Variants in PHF8 observed in about 807,000 individuals in gnomAD.
PHF8 encodes the protein histone lysine demethylase PHF8.
PHF8 carries 9 observed loss-of-function variants against 74.4 expected under a neutral mutation model. The observed-to-expected ratio is 0.12, with a 90% CI of 0.07 to 0.21. The LOEUF (loss-of-function observed/expected upper bound fraction) is 0.21. Ranked by LOEUF, PHF8 falls within the 10% of genes least tolerant of loss-of-function variation. The pLI is 1.00. For missense variants in PHF8, 478 were observed against 816.6 expected, an observed-to-expected ratio of 0.59 and a Z score of 5.05; for synonymous variants, 311 against 316.6, an observed-to-expected ratio of 0.98 and a Z score of 0.19.
chrX:54,043,468 G>A (rs1371337394), intron 1 of PHF8, among the ~76,000 whole-genome samples: 2 of 110,747 alleles, frequency 1.8e-5, no homozygotes, highest in Non-Finnish European at 3.8e-5. Context: ...CCCCAAAACT[G>A]AAATAAATAT....
intron 19 of PHF8, among the ~76,000 whole-genome samples, chrX:53,959,476 T>C (rs2065067031): frequency 9.0e-6 from 1 of 110,750 alleles, no homozygotes; most frequent in Non-Finnish European, 1.9e-5. Flanking sequence ...CCCTTCAAAA[T>C]TCAGCTTTAG....
Position 54,044,258 on chromosome X carries a change from G to T in PHF8, c.-589C>A. 2 of 754,959 alleles carry T rather than the reference G, an allele frequency of 2.6e-6. No individual in the cohort carries two copies. The highest frequency in any genetic ancestry group is 3.1e-6 in the Non-Finnish European group (2 of 639,207). 62.2% of individuals were successfully genotyped at this position (754,959 alleles called of 1,213,427 possible). On this transcript the variant is annotated 5_prime_UTR_variant, in exon 1 of 22. Coordinates refer to ENST00000338154, the MANE Select transcript of PHF8 (RefSeq NM_015107.3). ...CAACGGGGAAAGAGATGAACCGGCC[G>T]CCACGTCCGAGGCACACGGCCCGAA... is the stretch of plus-strand genomic sequence containing the variant.
intron 18 of PHF8, among the ~76,000 whole-genome samples, chrX:53,977,617 A>G (rs1176707554): frequency 2.7e-5 from 3 of 110,675 alleles, no homozygotes; most frequent in African/African-American, 9.8e-5. Flanking sequence ...GTGGAAATGT[A>G]AAACAACCAT....
At chrX:53,989,967 A>G (rs1267013075) in intron 14 of PHF8, among the ~76,000 whole-genome samples, 1 of 111,786 alleles carries the variant, frequency 8.9e-6, no homozygotes, top group Non-Finnish European at 1.9e-5. Flanking sequence ...CAGCTAAGAT[A>G]GACTTTGACA....
chrX:53,989,655 G>GA (rs1164594579), intron 14 of PHF8, among the ~76,000 whole-genome samples: 1 of 112,040 alleles, frequency 8.9e-6, no homozygotes, highest in Non-Finnish European at 1.9e-5. Context: ...ACAAACTGCT[G>GA]AAAAAAACCT....
intron 18 of PHF8, among the ~76,000 whole-genome samples, chrX:53,983,694 T>C (rs2065513976): frequency 8.9e-6 from 1 of 112,294 alleles, no homozygotes; most frequent in South Asian, 3.7e-4. Flanking sequence ...AGAATTTTCA[T>C]TGCAGCATTG....
At chrX:54,036,571 CAAAAAAAAAAA>C (rs1160936317) in intron 2 of PHF8, among the ~76,000 whole-genome samples, 2 of 6,200 alleles carry the variant, frequency 3.2e-4, no homozygotes, top group African/African-American at 4.2e-4. Flanking sequence ...GACACTGTCT[CAAAAAAAAAAA>C]AAAAAAAAAA....
At position 54,043,983 on chromosome X, in the gene PHF8, G is replaced by T; in HGVS notation, c.-314C>A. The T allele has an allele frequency of 2.6e-6, 2 of 754,755 alleles. No homozygotes were observed. Among genetic ancestry groups the T allele is most frequent in the Admixed American group, 8.5e-5 (1 of 11,770 alleles). 62.2% of individuals were successfully genotyped at this position (754,755 alleles called of 1,213,427 possible). Reference sequence around the variant, plus strand: ...GTCCGGTAGTTCCGGCCCCTACGGCGACGCGCGTCGAATTCTGGGATAGTC... The same window carrying T: ...GTCCGGTAGTTCCGGCCCCTACGGCTACGCGCGTCGAATTCTGGGATAGTC... On this transcript the variant is annotated 5_prime_UTR_variant, in exon 1 of 22. Coordinates refer to ENST00000338154, the MANE Select transcript of PHF8 (RefSeq NM_015107.3).
chrX:54,005,028 G>A (rs2065877093), intron 8 of PHF8, among the ~76,000 whole-genome samples: 2 of 110,725 alleles, frequency 1.8e-5, no homozygotes, highest in South Asian at 7.4e-4. Context: ...CAGAGAAACC[G>A]AAATTACCCA....
chrX:53,995,811 C>A lies in PHF8; in HGVS notation c.1234-29G>T, dbSNP rs202158152. The A allele has an allele frequency of 1.1e-4, 100 of 951,603 alleles. No individual in the cohort carries two copies. In the East Asian group the frequency reaches 1.2e-3, roughly 12 times the overall value. The allele number at this position is 951,603 out of a possible 1,213,427, so 78.4% of individuals were successfully genotyped here. A position where few individuals can be genotyped will look rare whatever the true frequency, so the allele number is the denominator to read the frequency against. Reference sequence around the variant, plus strand: ...TCAAACAAGAGGCATGAGGAATAAACCCACACATAAAGAGACAACTGATTT... The same window carrying A: ...TCAAACAAGAGGCATGAGGAATAAAACCACACATAAAGAGACAACTGATTT... On this transcript the variant is annotated intron_variant, in intron 11 of 21. Coordinates refer to ENST00000338154, the MANE Select transcript of PHF8 (RefSeq NM_015107.3).
chrX:53,965,871 G>A (rs1372285759), intron 18 of PHF8, among the ~76,000 whole-genome samples: 1 of 109,681 alleles, frequency 9.1e-6, no homozygotes, highest in Non-Finnish European at 1.9e-5. Context: ...AAACCATGAG[G>A]CATGCAACGA....
chrX:53,956,628 G>C (rs782649647), intron 19 of PHF8, among the ~76,000 whole-genome samples: 1 of 110,712 alleles, frequency 9.0e-6, no homozygotes, highest in East Asian at 2.8e-4. Context: ...AAATTTTCCT[G>C]TAGAATGAGG....
intron 18 of PHF8, among the ~76,000 whole-genome samples, chrX:53,968,422 A>C (rs1243222386): frequency 1.8e-5 from 2 of 112,110 alleles, no homozygotes; most frequent in East Asian, 5.6e-4. Flanking sequence ...ATGAGACTGA[A>C]GCAGTAATAA....
chrX:54,029,076 T>C (rs782029958), intron 2 of PHF8, among the ~76,000 whole-genome samples: 1 of 112,301 alleles, frequency 8.9e-6, no homozygotes, highest in East Asian at 2.8e-4. Flanking sequence ...TTTGTTGTTA[T>C]TATCCAAGTT....
chrX:53,993,085 C>A, intron 13 of PHF8: 1 of 393,407 alleles, frequency 2.5e-6, no homozygotes, highest in South Asian at 3.5e-5. Flanking sequence ...GGCACATCTT[C>A]AGATGCCCAT....
chrX:53,999,855 A>T lies in PHF8; in HGVS notation c.1233+15T>A. 1.9e-6 allele frequency: 2 copies of T among 1,075,551 alleles called. No individual in the cohort carries two copies. Among genetic ancestry groups the T allele is most frequent in the Non-Finnish European group, 2.6e-6 (2 of 772,512 alleles). 88.6% of individuals were successfully genotyped at this position (1,075,551 alleles called of 1,213,427 possible). A position where few individuals can be genotyped will look rare whatever the true frequency, so the allele number is the denominator to read the frequency against. On this transcript the variant is annotated intron_variant, in intron 11 of 21. Coordinates refer to ENST00000338154, the MANE Select transcript of PHF8 (RefSeq NM_015107.3). ...GGCAAAACTCCAGAGGAGGTAGAGA[A>T]ATATGCATATTTACTTCTTTCCTTG...
rs1381659844 is a variant in PHF8 at position 53,992,812 on chromosome X, C to T, written c.1654G>A (p.Asp552Asn). 3.3e-6 allele frequency: 4 copies of T among 1,201,938 alleles called. No individual in the cohort carries two copies. The highest frequency in any genetic ancestry group is 4.5e-6 in the Non-Finnish European group (4 of 887,374). Residue 552 changes from aspartate to asparagine, a missense_variant, in exon 14 of 22, where the codon GAC (aspartate) becomes AAC (asparagine). Transcript: ENST00000338154. ...KFNITGACLN[D>N]SDDDSPDLDL... ...AAGTCTGGTGAGTCGTCATCTGAGT[C>T]ATTCAAGCAGGCACCAGTGATGTTG...
At chrX:53,946,098 C>T (rs1305163980) in intron 19 of PHF8, among the ~76,000 whole-genome samples, 1 of 112,364 alleles carries the variant, frequency 8.9e-6, no homozygotes, top group Non-Finnish European at 1.9e-5. Flanking sequence ...CTCTTCTTTA[C>T]AGAAGAAAGC....
chrX:53,948,320 A>G (rs988751602), intron 19 of PHF8, among the ~76,000 whole-genome samples: 10 of 111,921 alleles, frequency 8.9e-5, no homozygotes, highest in Non-Finnish European at 1.9e-4. Context: ...GGAGTCTCAC[A>G]GTCACGCAGT....
Sources: gnomAD v4.1 joint callset for allele counts (sites outside exome capture counted in the v4.1 genomes callset) on GRCh38, gnomAD v4.1.1 for gene constraint, MANE v1.5 for transcripts, NCBI Gene and HGNC (gene_info 2026-07-23, HGNC 2026-07-21) for gene names.